Variants in IGSF10 observed in about 807,000 individuals in gnomAD.
IGSF10 encodes calvaria mechanical force protein 608.
Under a neutral mutation model 128.2 loss-of-function variants are expected in IGSF10, and 126 were observed. The observed-to-expected ratio is 0.98, with a 90% CI of 0.85 to 1.14. IGSF10 has a LOEUF of 1.14. Among genes scored for constraint, IGSF10 ranks in the 50% most tolerant of loss-of-function variants. IGSF10 has a pLI of 0.00. For synonymous variants in IGSF10, 1,185 were observed against 1,146.2 expected (o/e 1.03, Z -0.68); for missense variants, 3,295 against 3,149.8 (o/e 1.05, Z -1.10).
chr3:151,613,185 A>G, the IGSF10 span, among the ~76,000 whole-genome samples: 1 of 152,228 alleles, frequency 6.6e-6, no homozygotes, highest in Non-Finnish European at 1.5e-5. Context: ...TCAATGAACA[A>G]ATGGAAGAAC....
chr3:151,472,188 A>T, the IGSF10 span, among the ~76,000 whole-genome samples: 16 of 152,338 alleles, frequency 1.1e-4, no homozygotes, highest in Admixed American at 4.6e-4. Flanking sequence ...TCAAAGTTTC[A>T]GGTAATATAT....
the IGSF10 span, among the ~76,000 whole-genome samples, chr3:151,561,047 TATAC>T: frequency 6.6e-6 from 1 of 152,114 alleles, no homozygotes; most frequent in East Asian, 1.9e-4. Context: ...TTTCAGAGAG[TATAC>T]ATTCTTTGAT....
the IGSF10 span, among the ~76,000 whole-genome samples, chr3:151,581,708 T>A: frequency 1.3e-5 from 2 of 152,238 alleles, no homozygotes; most frequent in African/African-American, 4.8e-5. Flanking sequence ...AAGCCATTTA[T>A]GAATAAGTTT....
the IGSF10 span, among the ~76,000 whole-genome samples, chr3:151,476,694 C>A: frequency 1.3e-5 from 2 of 152,156 alleles, no homozygotes; most frequent in East Asian, 3.9e-4. Context: ...CACCACAGGC[C>A]TGTCATCTTG....
chr3:151,479,108 C>G, the IGSF10 span, among the ~76,000 whole-genome samples: 6 of 152,098 alleles, frequency 3.9e-5, no homozygotes, highest in African/African-American at 1.2e-4. Context: ...ATCCTGTAGT[C>G]TAGGTCAAAG....
chr3:151,460,663 C>G (rs960857645), intron 1 of IGSF10, among the ~76,000 whole-genome samples: 3 of 152,124 alleles, frequency 2.0e-5, no homozygotes, highest in African/African-American at 7.2e-5. Flanking sequence ...AGAGCTTCTC[C>G]TCAAATTGTC....
Position 151,445,703 on chromosome 3 carries a change from T to C in IGSF10, c.4278A>G (p.Gln1426=). The C allele has an allele frequency of 1.2e-6, 2 of 1,614,236 alleles. No homozygotes were observed. The highest frequency in any genetic ancestry group is 1.6e-4 in the Middle Eastern group (1 of 6,062). Residue 1426 remains glutamine, a synonymous_variant, in exon 6 of 8, where the codon CAA becomes CAG. Transcript: ENST00000282466. Reference sequence around the variant, plus strand: ...TGCTCTTCAAAGTCTGAGTACTTGCTTGGGCTAGTTCTTCAATCACATCTG... The same window carrying C: ...TGCTCTTCAAAGTCTGAGTACTTGCCTGGGCTAGTTCTTCAATCACATCTG... ...NLTDVIEELA[Q]ASTQTLKSTI...
At chr3:151,482,970 T>C in the IGSF10 span, among the ~76,000 whole-genome samples, 1 of 151,492 alleles carries the variant, frequency 6.6e-6, no homozygotes, top group East Asian at 1.9e-4. Flanking sequence ...TATTCAAAAA[T>C]GAAGGAGAAT....
chr3:151,437,667 C>T lies in IGSF10; in HGVS notation c.6894G>A (p.Leu2298=). Residue 2298 remains leucine, a synonymous_variant, in exon 8 of 8, where the codon TTG becomes TTA. Coordinates refer to ENST00000282466, the MANE Select transcript of IGSF10 (RefSeq NM_178822.5). ...SRITVHKNGT[L]EIRNVRLSDS... ...CTGAAAGCCTCACATTCCTAATTTC[C>T]AAGGTTCCATTTTTATGGACTGTGA... 1 of 1,614,170 alleles carries T rather than the reference C, an allele frequency of 6.2e-7. No individual in the cohort carries two copies. The highest frequency in any genetic ancestry group is 8.5e-7 in the Non-Finnish European group (1 of 1,180,034).
At chr3:151,604,471 C>T in the IGSF10 span, among the ~76,000 whole-genome samples, 1 of 151,532 alleles carries the variant, frequency 6.6e-6, no homozygotes, top group East Asian at 1.9e-4. Flanking sequence ...ACTTGATAAG[C>T]CTTTCTACCT....
At chr3:151,564,290 C>G in the IGSF10 span, among the ~76,000 whole-genome samples, 1 of 152,014 alleles carries the variant, frequency 6.6e-6, no homozygotes, top group South Asian at 2.1e-4. Flanking sequence ...TTTTTTGCAT[C>G]AGTACACACA....
chr3:151,586,265 T>A, the IGSF10 span, among the ~76,000 whole-genome samples: 1 of 152,312 alleles, frequency 6.6e-6, no homozygotes, highest in African/African-American at 2.4e-5. Context: ...TGGCCCATAT[T>A]AACTTTTTCA....
At position 151,436,939 on chromosome 3, in the gene IGSF10, C is replaced by A; in HGVS notation, c.7622G>T (p.Arg2541Met). ...GTGGAGCTGAAAGGCTGCCCCTGTCCTGGTGACAATACTCCTGGGTGGACG... is the reference window on the plus strand; with the variant it reads ...GTGGAGCTGAAAGGCTGCCCCTGTCATGGTGACAATACTCCTGGGTGGACG... ...TNRPPRSIVT[R>M]TGAAFQLHCV... Residue 2541 changes from arginine to methionine, a missense_variant, in exon 8 of 8, where the codon AGG becomes ATG. Physicochemically the swap from Arg to Met is moderately conservative, Grantham distance 91. Coordinates refer to ENST00000282466, the MANE Select transcript of IGSF10 (RefSeq NM_178822.5). The A allele has an allele frequency of 6.2e-7, 1 of 1,614,178 alleles. No homozygotes were observed. The highest frequency in any genetic ancestry group is 8.5e-7 in the Non-Finnish European group (1 of 1,180,016).
chr3:151,448,305 G>A lies in IGSF10; in HGVS notation c.1676C>T (p.Ala559Val). The change falls in exon 6 of 8, where the codon GCA (alanine) becomes GTA (valine). Residue 559 changes from alanine to valine, a missense_variant. Coordinates refer to ENST00000282466, the MANE Select transcript of IGSF10 (RefSeq NM_178822.5). Reference protein sequence around the residue: ...YHCISSNYDDADILTYRITVV... With the variant: ...YHCISSNYDDVDILTYRITVV... Reference sequence around the variant, plus strand: ...AGTTATCCTATAGGTGAGAATATCTGCATCATCATAATTGCTGCTTATACA... The same window carrying A: ...AGTTATCCTATAGGTGAGAATATCTACATCATCATAATTGCTGCTTATACA... 1 of 1,614,198 alleles carries A rather than the reference G, an allele frequency of 6.2e-7. No individual in the cohort carries two copies. Among genetic ancestry groups the A allele is most frequent in the Non-Finnish European group, 8.5e-7 (1 of 1,180,018 alleles).
At chr3:151,543,047 A>G in the IGSF10 span, among the ~76,000 whole-genome samples, 1 of 152,126 alleles carries the variant, frequency 6.6e-6, no homozygotes, top group African/African-American at 2.4e-5. Flanking sequence ...TCTCCTACTA[A>G]TTCCCCTAGT....
At chr3:151,530,951 A>G in the IGSF10 span, among the ~76,000 whole-genome samples, 5 of 152,084 alleles carry the variant, frequency 3.3e-5, no homozygotes, top group Non-Finnish European at 7.4e-5. Context: ...CCCATCTCAC[A>G]TGCAAAGACA....
the IGSF10 span, among the ~76,000 whole-genome samples, chr3:151,527,292 A>G: frequency 6.6e-6 from 1 of 152,158 alleles, no homozygotes; most frequent in Non-Finnish European, 1.5e-5. Flanking sequence ...TTTTTGGCTC[A>G]TTTATGCTTC....
chr3:151,457,150 T>A lies in IGSF10; in HGVS notation c.200A>T (p.Asn67Ile). ...PNVERINLGY[N>I]SLVRLMETDF... ...TGTTTCCATCAATCTAACCAAGCTG[T>A]TGTATCTGAAATAAAAAATGACATT... Residue 67 changes from asparagine to isoleucine, a missense_variant, in exon 4 of 8, where the codon AAC becomes ATC. By Grantham distance (149) the Asn-to-Ile change is moderately radical. Coordinates refer to ENST00000282466, the MANE Select transcript of IGSF10 (RefSeq NM_178822.5). 6.2e-7 allele frequency: 1 copy of A among 1,614,076 alleles called. No individual in the cohort carries two copies. The highest frequency in any genetic ancestry group is 1.1e-5 in the South Asian group (1 of 91,034).
chr3:151,556,304 C>T, the IGSF10 span, among the ~76,000 whole-genome samples: 1 of 152,024 alleles, frequency 6.6e-6, no homozygotes, highest in Admixed American at 6.6e-5. Flanking sequence ...GTGAGACTAC[C>T]CAAAATGTAT....
Sources: allele counts gnomAD v4.1 joint callset (sites outside exome capture counted in the v4.1 genomes callset), GRCh38; gene constraint gnomAD v4.1.1; transcripts MANE v1.5; gene names NCBI Gene and HGNC (gene_info 2026-07-23, HGNC 2026-07-21).